The following DHRS4 variants were observed in gnomAD, a reference collection of about 807,000 sequenced individuals.
DHRS4 encodes the protein dehydrogenase/reductase 4.
DHRS4 carries 20 observed loss-of-function variants against 28.4 expected under a neutral mutation model. That is an observed-to-expected ratio of 0.71 (90% CI 0.50 to 1.02). The LOEUF is 1.02. DHRS4 is among the 50% of genes least tolerant of loss of function. DHRS4 has a pLI of 0.00. For synonymous variants in DHRS4, 144 were observed against 146.4 expected (o/e 0.98, Z 0.12); for missense variants, 378 against 367.2 (o/e 1.03, Z -0.24).
At position 23,969,046 on chromosome 14, in the gene DHRS4, T is replaced by C; in HGVS notation, c.*175T>C. The C allele has an allele frequency of 7.5e-7, 1 of 1,330,494 alleles. No homozygotes were observed. The highest frequency in any genetic ancestry group is 1.0e-6 in the Non-Finnish European group (1 of 1,004,320). The allele number at this position is 1,330,494 out of a possible 1,614,324, so 82.4% of individuals were successfully genotyped here. On this transcript the variant is annotated 3_prime_UTR_variant, in exon 8 of 8. Transcript: ENST00000313250. Reference sequence around the variant, plus strand: ...CGTCAAGGTGGCGTCTTACTCGGGATTTCTGCTGTTGTTGTGGCCTTGGGT... The same window carrying C: ...CGTCAAGGTGGCGTCTTACTCGGGACTTCTGCTGTTGTTGTGGCCTTGGGT...
chr14:23,955,658 A>T (rs2033106069), intron 2 of DHRS4, among the ~76,000 whole-genome samples: 1 of 151,922 alleles, frequency 6.6e-6, no homozygotes, highest in Non-Finnish European at 1.5e-5. Flanking sequence ...TAGACCTGAC[A>T]ACAACCCAAG....
At chr14:23,954,536 A>G (rs1006284746) in intron 1 of DHRS4, among the ~76,000 whole-genome samples, 4 of 152,248 alleles carry the variant, frequency 2.6e-5, no homozygotes, top group African/African-American at 7.2e-5. Flanking sequence ...CTAATAGCTG[A>G]CAAATGCAAA....
rs749432011 is a variant in DHRS4, at chr14:23,966,371, T to A, written c.620T>A (p.Val207Glu). ...GAGCTGGCCCCAAGGAACATTAGGG[T>A]GAACTGCCTAGCACCTGGACTTATC... is the stretch of plus-strand genomic sequence containing the variant. ...AIELAPRNIRVNCLAPGLIKT... is the reference protein window; with the variant it reads ...AIELAPRNIRENCLAPGLIKT... The change falls in exon 6 of 8, where the codon GTG (valine) becomes GAG (glutamate). Residue 207 changes from valine to glutamate, a missense_variant. Transcript: ENST00000313250. 6.2e-7 allele frequency: 1 copy of A among 1,613,936 alleles called. No homozygotes were observed. The highest frequency in any genetic ancestry group is 2.2e-5 in the East Asian group (1 of 44,876).
At chr14:23,967,083 G>A in intron 6 of DHRS4, 128 bp from the exon 7 acceptor site, 2 of 909,302 alleles carry the variant, frequency 2.2e-6, no homozygotes, top group Non-Finnish European at 3.3e-6. Flanking sequence ...TAACCCGGGA[G>A]GCGGAGTTTG....
chr14:23,962,656 C>T (rs558810973), intron 3 of DHRS4, among the ~76,000 whole-genome samples: 113 of 151,864 alleles, frequency 7.4e-4, no homozygotes, highest in South Asian at 1.9e-3. Context: ...AACCCTTCCA[C>T]GTCATCCATG....
At chr14:23,957,378 C>T (rs1334134385) in intron 2 of DHRS4, among the ~76,000 whole-genome samples, 1 of 135,584 alleles carries the variant, frequency 7.4e-6, no homozygotes, top group African/African-American at 3.9e-5. Flanking sequence ...CCAGTGGCCT[C>T]CTCATCTGGA....
intron 2 of DHRS4, among the ~76,000 whole-genome samples, chr14:23,955,624 TCAGAGCCTTACA>T (rs1211677302): frequency 2.6e-5 from 4 of 152,038 alleles, no homozygotes; most frequent in Admixed American, 6.6e-5. Flanking sequence ...TTTCCTGTGT[TCAGAGCCTTACA>T]CAGGTTATCT....
chr14:23,954,891 T>G (rs1326693419), intron 1 of DHRS4, 144 bp from the exon 2 acceptor site: 2 of 1,391,358 alleles, frequency 1.4e-6, no homozygotes, highest in Non-Finnish European at 1.9e-6. Flanking sequence ...CCATTAAGCC[T>G]GTTTTACACA....
At chr14:23,955,588 A>G (rs182287796) in intron 2 of DHRS4, among the ~76,000 whole-genome samples, 297 of 152,122 alleles carry the variant, frequency 2.0e-3, no homozygotes, top group African/African-American at 6.9e-3. Context: ...GCAGCCCACC[A>G]TGTTTCAGCC....
intron 2 of DHRS4, among the ~76,000 whole-genome samples, chr14:23,956,284 T>A (rs2033144977): frequency 6.6e-6 from 1 of 152,230 alleles, no homozygotes; most frequent in African/African-American, 2.4e-5. Flanking sequence ...CAATTAGCAC[T>A]AACCATATGA....
chr14:23,965,616 C>T (rs1184916300), intron 3 of DHRS4, 146 bp from the exon 4 acceptor site: 2 of 762,738 alleles, frequency 2.6e-6, no homozygotes, highest in Non-Finnish European at 4.2e-6. Flanking sequence ...ACCTCAGTTC[C>T]TTCATGTGTA....
chr14:23,954,975 A>G, intron 1 of DHRS4, 60 bp from the exon 2 acceptor site: 3 of 1,605,168 alleles, frequency 1.9e-6, no homozygotes, highest in Non-Finnish European at 2.5e-6. Context: ...TTCAGAGCTC[A>G]TACTGTCGAC....
intron 3 of DHRS4, among the ~76,000 whole-genome samples, chr14:23,964,394 C>T (rs1362950765): frequency 2.0e-5 from 3 of 147,528 alleles, no homozygotes; most frequent in Admixed American, 6.8e-5. Context: ...AAAACACACA[C>T]ACACATTTGG....
At chr14:23,954,322 G>C (rs2032992372) in intron 1 of DHRS4, 1 of 176,876 alleles carries the variant, frequency 5.7e-6, no homozygotes, top group African/African-American at 2.4e-5. Flanking sequence ...TTGGGCACCG[G>C]AAAGTCCCCC....
Position 23,965,961 on chromosome 14 carries a change from T to C in DHRS4, c.509T>C (p.Ile170Thr). The C allele has an allele frequency of 1.2e-6, 2 of 1,610,386 alleles. No homozygotes were observed. Among genetic ancestry groups the C allele is most frequent in the East Asian group, 2.2e-5 (1 of 44,668 alleles). ...GGCTCAGTGGTGATCGTGTCTTCCATAGCAGCCTTCAGTCCATCTCCTGTA... is the reference window on the plus strand; with the variant it reads ...GGCTCAGTGGTGATCGTGTCTTCCACAGCAGCCTTCAGTCCATCTCCTGTA... ...GGGSVVIVSS[I>T]AAFSPSPGFS... The change falls in exon 5 of 8, where the codon ATA becomes ACA. Residue 170 changes from isoleucine to threonine, a missense_variant. Ile to Thr is a moderately conservative substitution (Grantham distance 89). Transcript: ENST00000313250.
At chr14:23,961,213 A>G (rs1413134075) in intron 3 of DHRS4, among the ~76,000 whole-genome samples, 1 of 150,542 alleles carries the variant, frequency 6.6e-6, no homozygotes, top group Non-Finnish European at 1.5e-5. Context: ...GGTTGCCAAA[A>G]TACTATGATT....
intron 2 of DHRS4, 37 bp downstream of exon 2, chr14:23,955,249 G>A (rs542436847): frequency 3.8e-5 from 60 of 1,588,464 alleles, no homozygotes; most frequent in Middle Eastern, 3.9e-4. Flanking sequence ...GCCAGGAGGT[G>A]GAAAACGGAG....
At chr14:23,960,640 C>G (rs200365835) in intron 3 of DHRS4, among the ~76,000 whole-genome samples, 1 of 80,428 alleles carries the variant, frequency 1.2e-5, no homozygotes, top group African/African-American at 1.8e-4. Flanking sequence ...CACACACACT[C>G]TTTAATTACA....
At chr14:23,964,321 AACT>A (rs1489048978) in intron 3 of DHRS4, among the ~76,000 whole-genome samples, 2 of 149,194 alleles carry the variant, frequency 1.3e-5, no homozygotes, top group Non-Finnish European at 3.0e-5. Context: ...ATATTTTTTA[AACT>A]ATCACAGTAT....
Sources: allele counts gnomAD v4.1 joint callset (sites outside exome capture counted in the v4.1 genomes callset), GRCh38; gene constraint gnomAD v4.1.1; transcripts MANE v1.5; gene names NCBI Gene and HGNC (gene_info 2026-07-23, HGNC 2026-07-21).